Variants in CCSER1 observed in about 807,000 individuals in gnomAD.
CCSER1 encodes the protein serine-rich coiled-coil domain-containing protein 1.
In CCSER1, 41 loss-of-function variants were observed where a neutral mutation model predicts 82.0. That is an observed-to-expected ratio of 0.50 (90% CI 0.39 to 0.65). The LOEUF is 0.65. CCSER1 is among the 30% of genes least tolerant of loss of function. The probability of loss-of-function intolerance (pLI) is 0.00; values close to 1 mark genes in which losing one functional copy is unlikely to be tolerated. For synonymous variants in CCSER1, 414 were observed against 383.9 expected, an observed-to-expected ratio of 1.08 and a Z score of -0.92; for missense variants, 1,119 against 1,064.2, an observed-to-expected ratio of 1.05 and a Z score of -0.72.
chr4:90,364,550 T>C (rs924574925), intron 3 of CCSER1, among the ~76,000 whole-genome samples: 1 of 152,100 alleles, frequency 6.6e-6, no homozygotes, highest in Non-Finnish European at 1.5e-5. Context: ...AAAAATCTGC[T>C]TAAACATTGT....
At position 90,254,613 on chromosome 4, in the gene CCSER1, G is replaced by C. The variant is rs9991153; in HGVS notation, c.-41-53631G>C. 6.8e-3 allele frequency among the ~76,000 whole-genome samples: 1,033 copies of C among 152,206 alleles called. 9 individuals are homozygous for C. The highest frequency in any genetic ancestry group is 0.024 in the African/African-American group (1,000 of 41,528). On this transcript the variant is annotated intron_variant, in intron 1 of 10. Coordinates refer to ENST00000509176, the MANE Select transcript of CCSER1 (RefSeq NM_001145065.2). Reference sequence around the variant, plus strand: ...GCAGGATGAGAAAGGCTGGTGATCAGCTCCTCCTGGGAAGAAACTGTAGCC... The same window carrying C: ...GCAGGATGAGAAAGGCTGGTGATCACCTCCTCCTGGGAAGAAACTGTAGCC...
chr4:90,334,563 A>T (rs902182673), intron 3 of CCSER1, among the ~76,000 whole-genome samples: 2 of 151,742 alleles, frequency 1.3e-5, no homozygotes, highest in African/African-American at 2.4e-5. Context: ...CAAAAAAAAA[A>T]GTTTTCTCTC....
At chr4:90,218,857 A>AAAAT (rs10679218) in intron 1 of CCSER1, among the ~76,000 whole-genome samples, 92,140 of 150,682 alleles carry the variant, frequency 0.61, 29,561 homozygotes, top group East Asian at 0.83. Flanking sequence ...CTGTCTTTAC[A>AAAAT]AAATAAATAA....
chr4:90,937,480 A>AACACACACACACACACACACACACACAC (rs148799317), intron 9 of CCSER1, among the ~76,000 whole-genome samples: 3 of 146,032 alleles, frequency 2.1e-5, no homozygotes, highest in East Asian at 4.0e-4. Context: ...TCTAATTTGA[A>AACACACACACACACACACACACACACAC]ACACACACAC....
intron 1 of CCSER1, among the ~76,000 whole-genome samples, chr4:90,274,570 A>C (rs552999577): frequency 6.6e-6 from 1 of 152,248 alleles, no homozygotes; most frequent in Non-Finnish European, 1.5e-5. Flanking sequence ...ATTGGGTATG[A>C]ATAAGAGGAG....
intron 3 of CCSER1, among the ~76,000 whole-genome samples, chr4:90,379,295 T>G (rs1748842800): frequency 6.6e-6 from 1 of 152,172 alleles, no homozygotes; most frequent in East Asian, 1.9e-4. Flanking sequence ...GAAGACAGTA[T>G]TAAAGGTTTA....
chr4:91,368,440 G>A lies in CCSER1; in HGVS notation c.2218-230132G>A, dbSNP rs537677945. On this transcript the variant is annotated intron_variant, in intron 10 of 10. Coordinates refer to ENST00000509176, the MANE Select transcript of CCSER1 (RefSeq NM_001145065.2). ...GTAGCATATTTTTTCTTTCTTATTT[G>A]CCTTTACCAGCTGAATATTGTTTCT... Among the ~76,000 whole-genome samples, 26 of 152,012 alleles carry A rather than the reference G, an allele frequency of 1.7e-4. No homozygotes were observed. In the East Asian group the frequency reaches 4.2e-3, roughly 25 times the overall value.
chr4:90,930,105 A>C (rs1729546983), intron 9 of CCSER1, among the ~76,000 whole-genome samples: 1 of 152,210 alleles, frequency 6.6e-6, no homozygotes, highest in South Asian at 2.1e-4. Flanking sequence ...TTTGCTGAAA[A>C]TTATGTTGTG....
chr4:91,209,821 C>T (rs1736662926), intron 10 of CCSER1, among the ~76,000 whole-genome samples: 1 of 151,576 alleles, frequency 6.6e-6, no homozygotes, highest in Non-Finnish European at 1.5e-5. Flanking sequence ...AGGATGTATG[C>T]TTCCAAGCAA....
intron 6 of CCSER1, among the ~76,000 whole-genome samples, chr4:90,668,495 T>A (rs758140238): frequency 2.0e-5 from 3 of 152,186 alleles, no homozygotes; most frequent in Admixed American, 2.0e-4. Context: ...GCTATGTGAA[T>A]TGAATGTCAT....
intron 1 of CCSER1, among the ~76,000 whole-genome samples, chr4:90,299,655 T>A (rs1230672283): frequency 1.3e-5 from 2 of 152,052 alleles, no homozygotes; most frequent in Non-Finnish European, 2.9e-5. Context: ...AGTGCCTCCA[T>A]TATTTTCCCA....
intron 10 of CCSER1, among the ~76,000 whole-genome samples, chr4:91,497,857 T>C (rs775052987): frequency 9.9e-5 from 15 of 152,040 alleles, no homozygotes; most frequent in Admixed American, 1.3e-4. Flanking sequence ...AGAAAAACTG[T>C]GTGAATTTTT....
intron 10 of CCSER1, among the ~76,000 whole-genome samples, chr4:91,553,167 ATTC>A (rs1378820753): frequency 1.3e-5 from 2 of 151,512 alleles, no homozygotes; most frequent in Admixed American, 1.3e-4. Context: ...TATGATTTCT[ATTC>A]TTCATTTTGT....
At chr4:90,914,500 T>C (rs191284251) in intron 8 of CCSER1, among the ~76,000 whole-genome samples, 86 of 151,794 alleles carry the variant, frequency 5.7e-4, no homozygotes, top group Non-Finnish European at 1.2e-4. Context: ...AAGCAGTGCG[T>C]TGAGGGAAAT....
chr4:91,065,577 C>T (rs1169633055), intron 9 of CCSER1, among the ~76,000 whole-genome samples: 2 of 151,878 alleles, frequency 1.3e-5, no homozygotes, highest in African/African-American at 4.8e-5. Flanking sequence ...TGTGGTAACA[C>T]TTGTTTACTT....
chr4:91,283,589 T>C (rs2149206316), intron 10 of CCSER1, among the ~76,000 whole-genome samples: 1 of 152,230 alleles, frequency 6.6e-6, no homozygotes, highest in Middle Eastern at 3.4e-3. Context: ...TTATTTTACT[T>C]TCATGTTTTG....
At position 90,997,224 on chromosome 4, in the gene CCSER1, A is replaced by C. The variant is rs143917529; in HGVS notation, c.2172+73777A>C. ...CTTCCTAGTTTTTTCCAGCTTCTAA[A>C]ATGTGTCCACATTTCTTGATCATGG... On this transcript the variant is annotated intron_variant, in intron 9 of 10. Coordinates refer to ENST00000509176, the MANE Select transcript of CCSER1 (RefSeq NM_001145065.2). Among the ~76,000 whole-genome samples, 18 of 152,118 alleles carry C rather than the reference A, an allele frequency of 1.2e-4. No homozygotes were observed. In the East Asian group the frequency reaches 3.5e-3, roughly 30 times the overall value.
At chr4:90,530,652 T>G (rs542442234) in intron 5 of CCSER1, among the ~76,000 whole-genome samples, 42 of 152,128 alleles carry the variant, frequency 2.8e-4, no homozygotes, top group African/African-American at 9.7e-4. Flanking sequence ...GGAACTGTCA[T>G]GGCGCTTGTA....
chr4:91,297,095 A>G (rs1744240024), intron 10 of CCSER1, among the ~76,000 whole-genome samples: 1 of 151,834 alleles, frequency 6.6e-6, no homozygotes, highest in Non-Finnish European at 1.5e-5. Flanking sequence ...AGGAATGTTC[A>G]GGGTTAAATG....
Sources: gnomAD v4.1 joint callset for allele counts (sites outside exome capture counted in the v4.1 genomes callset) on GRCh38, gnomAD v4.1.1 for gene constraint, MANE v1.5 for transcripts, NCBI Gene and HGNC (gene_info 2026-07-23, HGNC 2026-07-21) for gene names.